The following SETD1B variants were observed in gnomAD, a reference collection of about 807,000 sequenced individuals.
The protein encoded by SETD1B is histone-lysine N-methyltransferase SETD1B.
SETD1B carries 7 observed loss-of-function variants against 148.0 expected under a neutral mutation model. The ratio of observed to expected loss-of-function variants is 0.05; its 90% CI spans 0.03 to 0.09. The LOEUF (loss-of-function observed/expected upper bound fraction) is 0.09, where lower values mean the gene tolerates loss of function less well. Among genes scored for constraint, SETD1B ranks in the 10% least tolerant of loss-of-function variants. SETD1B has a pLI of 1.00. For synonymous variants in SETD1B, 1,361 were observed against 1,186.5 expected, an observed-to-expected ratio of 1.15 and a Z score of -3.02; for missense variants, 2,155 against 2,729.9, an observed-to-expected ratio of 0.79 and a Z score of 4.69.
chr12:121,800,324 C>G (rs1875272894), upstream of SETD1B: 1 of 152,250 alleles, frequency 6.6e-6, no homozygotes, highest in Admixed American at 6.5e-5. Flanking sequence ...TCTGCGGCCA[C>G]CCCGAGGGCC....
rs1415051848 is a variant in SETD1B at position 121,817,310 on chromosome 12, G to T, written c.2977+16G>T. ...GAAGATGAAGGTTCGTGCTCTGGGTGCTGGGGTCCCCTTCTTCCGCATCCC... is the reference window on the plus strand; with the variant it reads ...GAAGATGAAGGTTCGTGCTCTGGGTTCTGGGGTCCCCTTCTTCCGCATCCC... On this transcript the variant is annotated intron_variant, in intron 8 of 16. Coordinates refer to ENST00000604567, the MANE Select transcript of SETD1B (RefSeq NM_001353345.2). This position sits in a 1 kb window ranked among gnomAD's most constrained non-coding sequence, Gnocchi z 8.1. 1 of 1,546,376 alleles carries T rather than the reference G, an allele frequency of 6.5e-7. No individual in the cohort carries two copies. The highest frequency in any genetic ancestry group is 8.7e-7 in the Non-Finnish European group (1 of 1,143,908).
In SETD1B at chr12:121,823,082, A is replaced by AGGCC; in HGVS notation, c.4503_4504insGGCC (p.Pro1502GlyfsTer66). ...AGGCTCGTGCGCCCACCCCGCTGCC[A>AGGCC]CCCCTGCTGCCCGCCCCCCTGGCCT... On this transcript the variant is annotated frameshift_variant, in exon 12 of 17. Transcript: ENST00000604567. LOFTEE classifies it high-confidence loss of function. 1 of 632,668 alleles carries AGGCC rather than the reference A, an allele frequency of 1.6e-6. No homozygotes were observed. Among genetic ancestry groups the AGGCC allele is most frequent in the Non-Finnish European group, 1.9e-6 (1 of 517,808 alleles). The allele number at this position is 632,668 out of a possible 1,614,324, so 39.2% of individuals were successfully genotyped here. A position where few individuals can be genotyped will look rare whatever the true frequency, so the allele number is the denominator to read the frequency against.
upstream of SETD1B, chr12:121,801,674 T>TG (rs1309024389): frequency 6.6e-6 from 1 of 152,452 alleles, no homozygotes; most frequent in African/African-American, 2.4e-5. Context: ...TTGGGAAATT[T>TG]GGGGGTTATG....
the SETD1B span, chr12:121,793,486 CG>C: frequency 6.5e-7 from 1 of 1,540,594 alleles, no homozygotes. Flanking sequence ...AGCCCCGCTG[CG>C]GGCCTCACCT....
chr12:121,805,809 C>T lies in SETD1B; in HGVS notation c.274-26C>T. ...CCCTTAGGTTTAAACGTTCTTCAAA[C>T]TCCCTTCCCCCTCGGCCCCTGCCAG... On this transcript the variant is annotated intron_variant, in intron 3 of 16. Transcript: ENST00000604567. This position sits in a 1 kb window ranked among gnomAD's most constrained non-coding sequence, Gnocchi z 4.2. 1.3e-6 allele frequency: 2 copies of T among 1,543,292 alleles called. No individual in the cohort carries two copies. Among genetic ancestry groups the T allele is most frequent in the Non-Finnish European group, 1.8e-6 (2 of 1,141,682 alleles).
upstream of SETD1B, chr12:121,803,530 C>T (rs1252185567): frequency 6.6e-6 from 1 of 152,224 alleles, no homozygotes; most frequent in Non-Finnish European, 1.5e-5. The surrounding 1 kb of genome is among the most constrained non-coding windows in gnomAD (Gnocchi z 4.7). Context: ...GCGCAGATAC[C>T]TCGATTGCAA....
In SETD1B at chr12:121,822,959, G is replaced by A. The variant is rs1402756827; in HGVS notation, c.4380G>A (p.Gly1460=). The change falls in exon 12 of 17, where the codon GGG becomes GGA. Residue 1460 remains glycine, a synonymous_variant. Coordinates refer to ENST00000604567, the MANE Select transcript of SETD1B (RefSeq NM_001353345.2). ...CTGGCCGACGCGATGAACGCTCCGG[G>A]CCCCTGGCCTCCCCGGTGCTCCTGG... ...LPTGRRDERS[G]PLASPVLLET... 6.5e-7 allele frequency: 1 copy of A among 1,538,662 alleles called. No homozygotes were observed. The highest frequency in any genetic ancestry group is 8.8e-7 in the Non-Finnish European group (1 of 1,141,758).
rs1396747131 is a variant in SETD1B at position 121,814,227 on chromosome 12, C to T, written c.2012C>T (p.Ala671Val). Residue 671 changes from alanine (A) to valine (V), a missense_variant, in exon 7 of 17, where the codon GCC becomes GTC. Coordinates refer to ENST00000604567, the MANE Select transcript of SETD1B (RefSeq NM_001353345.2). ...VVTPGAAAVA[A>V]PSVLAPTLPL... ...ACCCCAGGAGCGGCAGCCGTGGCAG[C>T]CCCTTCTGTGCTAGCCCCAACCCTG... 3.3e-6 allele frequency: 5 copies of T among 1,533,898 alleles called. No homozygotes were observed. Among genetic ancestry groups the T allele is most frequent in the Admixed American group, 2.0e-5 (1 of 50,384 alleles).
In SETD1B at chr12:121,810,423, A is replaced by C. The variant is rs190344718; in HGVS notation, c.1478A>C (p.Glu493Ala). 1.1e-4 allele frequency: 167 copies of C among 1,549,272 alleles called. No individual in the cohort carries two copies. The African/African-American group carries it at 2.1e-3, about 19-fold the overall frequency. Residue 493 changes from glutamate (E) to alanine (A), a missense_variant, in exon 6 of 17, where the codon GAG becomes GCG. Physicochemically the swap from Glu to Ala is moderately radical, Grantham distance 107. Around this residue, in one of 11 missense-constraint regions of SETD1B, gnomAD observed 376 missense variants for 385.0 expected, o/e 0.98. Coordinates refer to ENST00000604567, the MANE Select transcript of SETD1B (RefSeq NM_001353345.2). The surrounding 1 kb of genome is among the most constrained non-coding windows in gnomAD (Gnocchi z 7.6). ...PTLESSPAGP[E>A]KPHDSLDSRI... is the part of the protein sequence containing the mutation. ...CTGGAGTCGTCCCCTGCAGGGCCAG[A>C]GAAACCCCACGACAGCCTGGACTCG...
chr12:121,799,475 G>A (rs541431522), upstream of SETD1B: 3 of 152,276 alleles, frequency 2.0e-5, no homozygotes, highest in Non-Finnish European at 4.4e-5. Context: ...GGGGGCGGCT[G>A]GAGGGAAGGC....
intron 4 of SETD1B, among the ~76,000 whole-genome samples, chr12:121,806,653 C>T (rs1057449403): frequency 1.3e-5 from 2 of 152,182 alleles, no homozygotes; most frequent in Non-Finnish European, 2.9e-5. Context: ...TCGACAGAGC[C>T]GCCGGGGAAG....
intron 5 of SETD1B, 118 bp from the exon 6 acceptor site, chr12:121,809,485 G>A (rs1242479724): frequency 9.1e-6 from 10 of 1,101,190 alleles, no homozygotes; most frequent in Non-Finnish European, 1.3e-5. Context: ...CATTCCTTAT[G>A]CTGCAGTTCT....
At chr12:121,801,461 G>A (rs567346887), upstream of SETD1B, 1 of 152,462 alleles carries the variant, frequency 6.6e-6, no homozygotes, top group African/African-American at 2.4e-5. Context: ...CAAATACAAT[G>A]CTCCAGAATC....
the SETD1B span, chr12:121,793,715 A>G: frequency 6.4e-6 from 8 of 1,250,084 alleles, no homozygotes; most frequent in African/African-American, 9.6e-5. Context: ...GGCCGGAACC[A>G]GCCCCGCCCA....
In SETD1B at chr12:121,810,776, G is replaced by C. The variant is rs1376973321; in HGVS notation, c.1831G>C (p.Ala611Pro). Residue 611 changes from alanine to proline, a missense_variant, in exon 6 of 17, where the codon GCT becomes CCT. Coordinates refer to ENST00000604567, the MANE Select transcript of SETD1B (RefSeq NM_001353345.2). The surrounding 1 kb of genome is among the most constrained non-coding windows in gnomAD (Gnocchi z 7.6). ...CCCTGCTGGGCTTCTGAGCCAGACA[G>C]CTGAGGTGGCCTTGGACCTGGTTGG... ...PDPAGLLSQT[A>P]EVALDLVGDR... is the part of the protein sequence containing the mutation. 1 of 1,544,790 alleles carries C rather than the reference G, an allele frequency of 6.5e-7. No individual in the cohort carries two copies. Among genetic ancestry groups the C allele is most frequent in the Non-Finnish European group, 8.8e-7 (1 of 1,142,440 alleles).
chr12:121,823,236 C>T lies in SETD1B; in HGVS notation c.4657C>T (p.Pro1553Ser), dbSNP rs2137579694. 6.5e-7 allele frequency: 1 copy of T among 1,549,726 alleles called. No homozygotes were observed. The highest frequency in any genetic ancestry group is 8.7e-7 in the Non-Finnish European group (1 of 1,146,870). Residue 1553 changes from proline (P) to serine (S), a missense_variant, in exon 12 of 17, where the codon CCG becomes TCG. Pro to Ser is a moderately conservative substitution (Grantham distance 74). Transcript: ENST00000604567. ...CCTTGGAAGGGAACTCCTGCTCCTG[C>T]CGGGCCAGCCACAGACCCCCGTCTT... is the stretch of plus-strand genomic sequence containing the variant. ...AALGRELLLLPGQPQTPVFPS... is the reference protein window; with the variant it reads ...AALGRELLLLSGQPQTPVFPS...
At chr12:121,815,314 ACTC>A (rs1876235941) in intron 7 of SETD1B, among the ~76,000 whole-genome samples, 1 of 150,454 alleles carries the variant, frequency 6.6e-6, no homozygotes, top group Non-Finnish European at 1.5e-5. Context: ...TAAAATTAAA[ACTC>A]CTCCTTTGTA....
In SETD1B at chr12:121,823,053, G is replaced by T; in HGVS notation, c.4474G>T (p.Ala1492Ser). 1 of 1,518,140 alleles carries T rather than the reference G, an allele frequency of 6.6e-7. No individual in the cohort carries two copies. The highest frequency in any genetic ancestry group is 8.8e-7 in the Non-Finnish European group (1 of 1,133,966). The allele number at this position is 1,518,140 out of a possible 1,614,324, so 94.0% of individuals were successfully genotyped here. Residue 1492 changes from alanine (A) to serine (S), a missense_variant, in exon 12 of 17, where the codon GCC becomes TCC. Physicochemically the swap from Ala to Ser is moderately conservative, Grantham distance 99. Transcript: ENST00000604567. ...CTTGGCATTGCCCGCCGTCTTGCGG[G>T]CCCAGGCTCGTGCGCCCACCCCGCT... ...LPLALPAVLR[A>S]QARAPTPLPP...
At chr12:121,818,857 TCCAC>T (rs1876426265) in intron 10 of SETD1B, among the ~76,000 whole-genome samples, 1 of 142,564 alleles carries the variant, frequency 7.0e-6, no homozygotes, top group Non-Finnish European at 1.5e-5. Context: ...CCCACTGCAC[TCCAC>T]CCTGGGCGAC....
Sources: gnomAD v4.1 joint callset for allele counts (sites outside exome capture counted in the v4.1 genomes callset) on GRCh38, gnomAD v4.1.1 for gene constraint, gnomAD v4.1.1 regional missense constraint, Gnocchi (gnomAD v3.1) non-coding constraint, MANE v1.5 for transcripts, NCBI Gene and HGNC (gene_info 2026-07-23, HGNC 2026-07-21) for gene names.